ZNF516: variants seen among roughly 807,000 people sequenced by gnomAD.
ZNF516 encodes the protein zinc finger protein 516.
Under a neutral mutation model 79.7 loss-of-function variants are expected in ZNF516, and 19 were observed. That is an observed-to-expected ratio of 0.24 (90% CI 0.17 to 0.35). The LOEUF is 0.35. Among genes scored for constraint, ZNF516 ranks in the 10% least tolerant of loss-of-function variants. ZNF516 has a pLI of 1.00. For missense variants in ZNF516, 1,678 were observed against 1,679.5 expected, an observed-to-expected ratio of 1.00 and a Z score of 0.02; for synonymous variants, 877 against 739.5, an observed-to-expected ratio of 1.19 and a Z score of -3.02.
At chr18:76,476,722 G>C (rs1400590761) in intron 1 of ZNF516, among the ~76,000 whole-genome samples, 2 of 152,208 alleles carry the variant, frequency 1.3e-5, no homozygotes, top group East Asian at 3.8e-4. Context: ...CTAAGAAAGG[G>C]ATGTTTTAAT....
In ZNF516 at chr18:76,371,277, C is replaced by CA. The variant is rs563974149; in HGVS notation, c.3364+189dup. Among the ~76,000 whole-genome samples the CA allele has an allele frequency of 3.0e-4, 46 of 152,238 alleles. No homozygotes were observed. The South Asian group carries it at 9.1e-3, about 30-fold the overall frequency. ...ATTAAACCACATGGCACATGGACAC[C>CA]AAAAAAACCCATTTCAGGTGTGGAG... is the stretch of plus-strand genomic sequence containing the variant. On this transcript the variant is annotated intron_variant, in intron 5 of 6. Coordinates refer to ENST00000443185, the MANE Select transcript of ZNF516 (RefSeq NM_014643.4).
At chr18:76,371,446 A>T in intron 5 of ZNF516, 21 bp downstream of exon 5, 2 of 1,595,452 alleles carry the variant, frequency 1.3e-6, no homozygotes, top group Non-Finnish European at 1.7e-6. Flanking sequence ...CCTTGGGGAT[A>T]GCTGGGCGGG....
At chr18:76,440,736 G>GTT (rs1377871444) in intron 3 of ZNF516, among the ~76,000 whole-genome samples, 68 of 69,196 alleles carry the variant, frequency 9.8e-4, no homozygotes, top group East Asian at 4.8e-3. Context: ...GTGTGTGTGT[G>GTT]TGTGTTTGTG....
intron 6 of ZNF516, among the ~76,000 whole-genome samples, chr18:76,364,265 T>G (rs766035391): frequency 4.6e-5 from 7 of 152,206 alleles, no homozygotes; most frequent in African/African-American, 1.7e-4. Flanking sequence ...TTTTTTAAGA[T>G]AGTTGCTTTA....
intron 3 of ZNF516, among the ~76,000 whole-genome samples, chr18:76,397,516 T>C (rs2075163544): frequency 6.6e-6 from 1 of 152,170 alleles, no homozygotes; most frequent in Non-Finnish European, 1.5e-5. Flanking sequence ...TCATTTTAAG[T>C]GATAATCTAC....
intron 3 of ZNF516, among the ~76,000 whole-genome samples, chr18:76,419,698 AT>A (rs1368519841): frequency 1.3e-5 from 2 of 152,222 alleles, no homozygotes; most frequent in Non-Finnish European, 2.9e-5. Context: ...GCCTGCTGCC[AT>A]TAAGACATGC....
chr18:76,442,010 T>G lies in ZNF516; in HGVS notation c.1045A>C (p.Ser349Arg). Residue 349 changes from serine (S) to arginine (R), a missense_variant, in exon 3 of 7, where the codon AGC becomes CGC. Coordinates refer to ENST00000443185, the MANE Select transcript of ZNF516 (RefSeq NM_014643.4). ...KCGNLFTNLD[S>R]LNAHNAIHRR... is the part of the protein sequence containing the mutation. Reference sequence around the variant, plus strand: ...TGGATGGCATTGTGGGCGTTCAAGCTGTCCAGGTTTGTAAACAGGTTCCCG... The same window carrying G: ...TGGATGGCATTGTGGGCGTTCAAGCGGTCCAGGTTTGTAAACAGGTTCCCG... 1 of 1,613,800 alleles carries G rather than the reference T, an allele frequency of 6.2e-7. No homozygotes were observed. Among genetic ancestry groups the G allele is most frequent in the Non-Finnish European group, 8.5e-7 (1 of 1,179,880 alleles).
At chr18:76,427,849 A>T (rs187456650) in intron 3 of ZNF516, among the ~76,000 whole-genome samples, 1 of 152,360 alleles carries the variant, frequency 6.6e-6, no homozygotes, top group East Asian at 1.9e-4. Context: ...AGTAAACATG[A>T]AAACACTCTT....
At chr18:76,423,834 CACAT>C (rs2075547067) in intron 3 of ZNF516, among the ~76,000 whole-genome samples, 1 of 149,196 alleles carries the variant, frequency 6.7e-6, no homozygotes, top group African/African-American at 2.5e-5. Flanking sequence ...CCCCATGAAA[CACAT>C]GCAGGTGAAA....
intron 1 of ZNF516, among the ~76,000 whole-genome samples, chr18:76,487,542 T>G (rs534302349): frequency 6.6e-6 from 1 of 152,338 alleles, no homozygotes; most frequent in Non-Finnish European, 1.5e-5. Context: ...ATAGTAAAAG[T>G]TGTTCTTTCT....
chr18:76,386,833 C>G (rs2074999814), intron 3 of ZNF516: 1 of 152,206 alleles, frequency 6.6e-6, no homozygotes. Flanking sequence ...CATCATGCAG[C>G]CAAACATCTT....
chr18:76,469,982 A>C (rs1230748250), intron 1 of ZNF516, among the ~76,000 whole-genome samples: 1 of 152,254 alleles, frequency 6.6e-6, no homozygotes, highest in East Asian at 1.9e-4. Context: ...AATATTTATA[A>C]GGCATTGTTA....
chr18:76,400,560 T>TA (rs2075205198), intron 3 of ZNF516, among the ~76,000 whole-genome samples: 1 of 152,216 alleles, frequency 6.6e-6, no homozygotes, highest in African/African-American at 2.4e-5. Context: ...ACCCCGTACT[T>TA]GGTTGAGTGT....
chr18:76,361,816 T>C lies in ZNF516; in HGVS notation c.*682A>G, dbSNP rs2074541920. 3 of 152,108 alleles carry C rather than the reference T, an allele frequency of 2.0e-5. No individual in the cohort carries two copies. Among genetic ancestry groups the C allele is most frequent in the African/African-American group, 7.2e-5 (3 of 41,394 alleles). 9.4% of individuals were successfully genotyped at this position (152,108 alleles called of 1,614,324 possible). A position where few individuals can be genotyped will look rare whatever the true frequency, so the allele number is the denominator to read the frequency against. On this transcript the variant is annotated 3_prime_UTR_variant, in exon 7 of 7. Transcript: ENST00000443185. ...CTTTGCCAGATTCGCTCAGTTCGAA[T>C]GGTGGGAAGAATGGAACAGGCACAC...
At chr18:76,419,319 G>A (rs1438980268) in intron 3 of ZNF516, among the ~76,000 whole-genome samples, 1 of 152,188 alleles carries the variant, frequency 6.6e-6, no homozygotes, top group African/African-American at 2.4e-5. Context: ...ATACTAAAGG[G>A]ACACGTGTAT....
At chr18:76,376,533 C>CAAAAAAAAAAA (rs10708911) in intron 4 of ZNF516, among the ~76,000 whole-genome samples, 1 of 132,814 alleles carries the variant, frequency 7.5e-6, no homozygotes. Context: ...CTCTCTCTTT[C>CAAAAAAAAAAA]AAAAAAAAAA....
At chr18:76,368,013 A>G (rs1354978111) in intron 6 of ZNF516, among the ~76,000 whole-genome samples, 1 of 152,246 alleles carries the variant, frequency 6.6e-6, no homozygotes, top group Non-Finnish European at 1.5e-5. Context: ...AGCCCACAGG[A>G]AAAGAATCCG....
intron 3 of ZNF516, among the ~76,000 whole-genome samples, chr18:76,435,675 A>C (rs2075723218): frequency 1.3e-5 from 2 of 152,204 alleles, no homozygotes; most frequent in Admixed American, 1.3e-4. Flanking sequence ...TTTCCAACTC[A>C]TACTTTACTC....
intron 3 of ZNF516, among the ~76,000 whole-genome samples, chr18:76,436,356 C>T (rs2075734479): frequency 6.6e-6 from 1 of 152,176 alleles, no homozygotes; most frequent in African/African-American, 2.4e-5. Context: ...TTGGAACTTC[C>T]CTTGATGAAC....
Sources: allele counts gnomAD v4.1 joint callset (sites outside exome capture counted in the v4.1 genomes callset), GRCh38; gene constraint gnomAD v4.1.1; transcripts MANE v1.5; gene names NCBI Gene and HGNC (gene_info 2026-07-23, HGNC 2026-07-21).